BEAN1: variants seen among roughly 807,000 people sequenced by gnomAD.
The protein encoded by BEAN1 is protein BEAN1.
A neutral mutation model predicts 17.7 loss-of-function variants in BEAN1; 17 were observed. The observed-to-expected ratio is 0.96, with a 90% CI of 0.66 to 1.44. BEAN1 has a LOEUF of 1.44. Among genes scored for constraint, BEAN1 ranks in the 40% most tolerant of loss-of-function variants. The pLI is 0.00. For synonymous variants in BEAN1, 142 were observed against 151.8 expected (o/e 0.94, Z 0.47); for missense variants, 359 against 374.1 (o/e 0.96, Z 0.33).
At chr16:66,492,429 A>G (rs1305177763) in intron 4 of BEAN1, among the ~76,000 whole-genome samples, 2 of 148,988 alleles carry the variant, frequency 1.3e-5, no homozygotes, top group East Asian at 4.1e-4. Context: ...CAGCTCAGTC[A>G]CTCTCTTTTT....
intron 2 of BEAN1, among the ~76,000 whole-genome samples, chr16:66,452,446 AG>A (rs1185218248): frequency 2.0e-5 from 3 of 152,342 alleles, no homozygotes; most frequent in African/African-American, 7.2e-5. Context: ...TGCCTTTTGT[AG>A]GCCTCTGGCT....
At chr16:66,455,838 C>T (rs1962845488) in intron 2 of BEAN1, among the ~76,000 whole-genome samples, 1 of 152,188 alleles carries the variant, frequency 6.6e-6, no homozygotes, top group Non-Finnish European at 1.5e-5. Flanking sequence ...AGGCACACGC[C>T]ACCATGCCCA....
intron 2 of BEAN1, among the ~76,000 whole-genome samples, chr16:66,445,850 G>C (rs986305100): frequency 1.3e-5 from 2 of 152,142 alleles, no homozygotes; most frequent in Non-Finnish European, 2.9e-5. Flanking sequence ...GAAGAGGCTA[G>C]AGGAGGACCC....
In BEAN1 at chr16:66,473,463, G is replaced by A. The variant is rs188200203; in HGVS notation, c.289+3598G>A. ...ATCTTCCCCCAGCCTTCTGGAGGAT[G>A]CGCAGGGGCTGCCGGGAGCCTTGGG... On this transcript the variant is annotated intron_variant, in intron 3 of 4. Coordinates refer to ENST00000536005, the MANE Select transcript of BEAN1 (RefSeq NM_001178020.3). The surrounding 1 kb of genome is among the most constrained non-coding windows in gnomAD (Gnocchi z 4.5). Among the ~76,000 whole-genome samples the A allele has an allele frequency of 3.3e-4, 51 of 152,290 alleles. No individual in the cohort carries two copies. Among genetic ancestry groups the A allele is most frequent in the African/African-American group, 1.2e-3 (48 of 41,572 alleles).
intron 2 of BEAN1, chr16:66,438,111 T>G (rs1962102853): frequency 8.0e-6 from 2 of 248,870 alleles, no homozygotes; most frequent in Non-Finnish European, 1.6e-5. Flanking sequence ...GTGGCCGGCG[T>G]GGTGGCTCAT....
chr16:66,486,620 C>T (rs1461300072), downstream of BEAN1, among the ~76,000 whole-genome samples: 1 of 152,140 alleles, frequency 6.6e-6, no homozygotes, highest in African/African-American at 2.4e-5. Flanking sequence ...ATCTCCCATG[C>T]CTCCATCTCC....
chr16:66,437,560 G>T, intron 1 of BEAN1, 35 bp from the exon 2 acceptor site: 1 of 1,271,578 alleles, frequency 7.9e-7, no homozygotes, highest in Non-Finnish European at 1.1e-6. Context: ...GTGCGCCATG[G>T]GCCCCCCAAC....
chr16:66,488,989 T>G (rs1263609001), intron 4 of BEAN1, among the ~76,000 whole-genome samples: 1 of 151,996 alleles, frequency 6.6e-6, no homozygotes, highest in Non-Finnish European at 1.5e-5. Context: ...CTGGGCAACA[T>G]GGTGAAACCC....
chr16:66,459,413 G>A (rs1597013476), intron 2 of BEAN1, among the ~76,000 whole-genome samples: 2 of 152,056 alleles, frequency 1.3e-5, no homozygotes, highest in African/African-American at 2.4e-5. Context: ...TCTGCCTCCT[G>A]GGTTCAAGCG....
intron 2 of BEAN1, among the ~76,000 whole-genome samples, chr16:66,465,745 C>T (rs886128106): frequency 6.6e-6 from 1 of 152,214 alleles, no homozygotes. Flanking sequence ...TGAGAACTTT[C>T]TCGTGTTAAT....
At chr16:66,492,906 T>C in intron 4 of BEAN1, 1 of 657,650 alleles carries the variant, frequency 1.5e-6, no homozygotes, top group Non-Finnish European at 2.8e-6. Flanking sequence ...CTGGCCCCTC[T>C]CAGCCACTCT....
chr16:66,484,593 G>A, downstream of BEAN1: 1 of 454,176 alleles, frequency 2.2e-6, no homozygotes, highest in South Asian at 1.6e-5. The surrounding 1 kb of genome is among the most constrained non-coding windows in gnomAD (Gnocchi z 4.2). Context: ...GGACGATGGA[G>A]ACAGGGGCCC....
chr16:66,469,844 C>T lies in BEAN1; in HGVS notation c.268C>T (p.Arg90Ter), dbSNP rs761750785. ...TCATCACCACCGCCGGCGTCGACACCGAGAGTACGAGCACGGCTACGGTGA... is the reference window on the plus strand; with the variant it reads ...TCATCACCACCGCCGGCGTCGACACTGAGAGTACGAGCACGGCTACGGTGA... Reference protein sequence around the residue: ...HHHHHRRRRHREYEHGYVSDE... With the variant: ...HHHHHRRRRH Residue 90 changes from arginine to a stop codon, truncating the protein, a stop_gained, in exon 3 of 5, where the codon CGA becomes TGA. Coordinates refer to ENST00000536005, the MANE Select transcript of BEAN1 (RefSeq NM_001178020.3). LOFTEE classifies it high-confidence loss of function. The T allele has an allele frequency of 7.8e-6, 12 of 1,535,086 alleles. No individual in the cohort carries two copies. Among genetic ancestry groups the T allele is most frequent in the South Asian group, 7.1e-5 (6 of 83,938 alleles).
chr16:66,470,186 GGATGGAT>G, intron 3 of BEAN1: 1 of 434,512 alleles, frequency 2.3e-6, no homozygotes. Context: ...ATGGATGGAT[GGATGGAT>G]GGATGGATGG....
chr16:66,471,676 T>C lies in BEAN1; in HGVS notation c.289+1811T>C, dbSNP rs147200816. On this transcript the variant is annotated intron_variant, in intron 3 of 4. Coordinates refer to ENST00000536005, the MANE Select transcript of BEAN1 (RefSeq NM_001178020.3). The surrounding 1 kb of genome is among the most constrained non-coding windows in gnomAD (Gnocchi z 4.7). ...GTTGAGGAAAGACACAGCAGGCTAG[T>C]GGACTGTTCTCACTGTCCAACAATG... 7.5e-3 allele frequency among the ~76,000 whole-genome samples: 1,150 copies of C among 152,332 alleles called. 15 individuals carry two copies. Among genetic ancestry groups the C allele is most frequent in the African/African-American group, 0.026 (1,069 of 41,558 alleles).
intron 2 of BEAN1, among the ~76,000 whole-genome samples, chr16:66,459,800 T>C (rs1218095391): frequency 3.3e-5 from 5 of 152,206 alleles, no homozygotes; most frequent in Non-Finnish European, 7.3e-5. Context: ...GCCAGACGGA[T>C]TTATCACTGA....
At position 66,471,804 on chromosome 16, in the gene BEAN1, A is replaced by G. The variant is rs562780145; in HGVS notation, c.289+1939A>G. ...GAAGCCAGGGACTCCCCAAGGAGAC[A>G]AGCCAGAAGCACTCCCAGGCCAGGA... On this transcript the variant is annotated intron_variant, in intron 3 of 4. Coordinates refer to ENST00000536005, the MANE Select transcript of BEAN1 (RefSeq NM_001178020.3). The surrounding 1 kb of genome is among the most constrained non-coding windows in gnomAD (Gnocchi z 4.7). Among the ~76,000 whole-genome samples the G allele has an allele frequency of 2.0e-5, 3 of 152,208 alleles. No homozygotes were observed. Among genetic ancestry groups the G allele is most frequent in the Non-Finnish European group, 2.9e-5 (2 of 68,030 alleles).
At chr16:66,444,145 T>A (rs1385377921) in intron 2 of BEAN1, among the ~76,000 whole-genome samples, 1 of 152,202 alleles carries the variant, frequency 6.6e-6, no homozygotes, top group Admixed American at 6.5e-5. Context: ...GAGCTCACTG[T>A]CCCTGGTGGC....
chr16:66,437,618 G>T lies in BEAN1; in HGVS notation c.-59G>T. On this transcript the variant is annotated 5_prime_UTR_variant, in exon 2 of 5. Coordinates refer to ENST00000536005, the MANE Select transcript of BEAN1 (RefSeq NM_001178020.3). The stretch of plus-strand genomic sequence containing the variant: ...AGGTGAGTGGAGGGGCCTTCCCTGC[G>T]AGAAGTCAGAGCTGTGCCCGTGGGC... The T allele has an allele frequency of 6.6e-7, 1 of 1,515,914 alleles. No individual in the cohort carries two copies. The highest frequency in any genetic ancestry group is 8.8e-7 in the Non-Finnish European group (1 of 1,129,962). 93.9% of individuals were successfully genotyped at this position (1,515,914 alleles called of 1,614,324 possible).
Sources: gnomAD v4.1 joint callset for allele counts (sites outside exome capture counted in the v4.1 genomes callset) on GRCh38, gnomAD v4.1.1 for gene constraint, Gnocchi (gnomAD v3.1) non-coding constraint, MANE v1.5 for transcripts, NCBI Gene and HGNC (gene_info 2026-07-23, HGNC 2026-07-21) for gene names.